The following IMMP2L variants were observed in gnomAD, a reference collection of about 807,000 sequenced individuals.
IMMP2L encodes mitochondrial inner membrane protease subunit 2.
Under a neutral mutation model 19.3 loss-of-function variants are expected in IMMP2L, and 18 were observed. That is an observed-to-expected ratio of 0.93 (90% CI 0.64 to 1.38). IMMP2L has a LOEUF of 1.38. Among genes scored for constraint, IMMP2L ranks in the 40% most tolerant of loss-of-function variants. IMMP2L has a pLI of 0.00. For missense variants in IMMP2L, 233 were observed against 218.2 expected (o/e 1.07, Z -0.43); for synonymous variants, 76 against 73.0 (o/e 1.04, Z -0.21).
intron 3 of IMMP2L, among the ~76,000 whole-genome samples, chr7:111,153,957 G>C (rs1017779448): frequency 6.6e-6 from 1 of 151,942 alleles, no homozygotes; most frequent in African/African-American, 2.4e-5. Flanking sequence ...AAATTCCTTG[G>C]ACTAGAAACT....
rs1585497220 is a variant in IMMP2L, at chr7:110,967,620, C to T, written c.240-4055G>A. ...TAAAAATACTACCATGTATTGGACA[C>T]TATTTACATTGCATATATCCCAAGA... On this transcript the variant is annotated intron_variant, in intron 3 of 5. Transcript: ENST00000405709. 2.0e-5 allele frequency among the ~76,000 whole-genome samples: 3 copies of T among 152,054 alleles called. 1 individual carries two copies. The South Asian group carries it at 6.2e-4, about 32-fold the overall frequency.
intron 5 of IMMP2L, among the ~76,000 whole-genome samples, chr7:110,732,457 G>C (rs1382597857): frequency 6.6e-6 from 1 of 152,154 alleles, no homozygotes; most frequent in Non-Finnish European, 1.5e-5. Context: ...TTTGGCATGT[G>C]AATTATGATT....
intron 3 of IMMP2L, among the ~76,000 whole-genome samples, chr7:111,451,245 A>C (rs982606541): frequency 6.8e-6 from 1 of 147,738 alleles, no homozygotes; most frequent in Non-Finnish European, 1.5e-5. Flanking sequence ...TCATGCTGCT[A>C]TAAAGACACA....
At chr7:111,166,903 A>G (rs1805882179) in intron 3 of IMMP2L, among the ~76,000 whole-genome samples, 1 of 151,974 alleles carries the variant, frequency 6.6e-6, no homozygotes, top group Non-Finnish European at 1.5e-5. Flanking sequence ...GCCCACCTGG[A>G]TAATCCAGGA....
intron 3 of IMMP2L, among the ~76,000 whole-genome samples, chr7:110,974,186 T>C (rs1769337656): frequency 6.6e-6 from 1 of 152,126 alleles, no homozygotes. Context: ...AAGCAACTTC[T>C]CAGAAACATA....
At chr7:110,751,076 C>T (rs1797687298) in intron 5 of IMMP2L, among the ~76,000 whole-genome samples, 1 of 151,620 alleles carries the variant, frequency 6.6e-6, no homozygotes, top group African/African-American at 2.4e-5. Flanking sequence ...TCTTTTAATA[C>T]TTTCAGATTT....
At chr7:110,856,113 T>G (rs934753987) in intron 5 of IMMP2L, among the ~76,000 whole-genome samples, 1 of 152,022 alleles carries the variant, frequency 6.6e-6, no homozygotes, top group African/African-American at 2.4e-5. Context: ...TTTGGCTAAA[T>G]GCACTTTCTT....
intron 5 of IMMP2L, among the ~76,000 whole-genome samples, chr7:110,776,859 C>G (rs185203328): frequency 1.2e-4 from 19 of 152,032 alleles, no homozygotes; most frequent in Admixed American, 5.2e-4. Flanking sequence ...CCCACTGTAT[C>G]TGGTATTGTG....
At chr7:111,321,143 T>C (rs1218067279) in intron 3 of IMMP2L, among the ~76,000 whole-genome samples, 2 of 151,976 alleles carry the variant, frequency 1.3e-5, no homozygotes, top group African/African-American at 4.8e-5. Flanking sequence ...TCCTAATGAA[T>C]CTAGGAAAGT....
chr7:111,550,892 G>C (rs1187221556), intron 1 of IMMP2L, among the ~76,000 whole-genome samples: 1 of 152,096 alleles, frequency 6.6e-6, no homozygotes, highest in Non-Finnish European at 1.5e-5. Flanking sequence ...CAGGTAGTGG[G>C]GCTAAGGAAG....
chr7:111,122,554 G>A (rs1586425754), intron 3 of IMMP2L: 1 of 533,962 alleles, frequency 1.9e-6, no homozygotes, highest in Non-Finnish European at 3.3e-6. Context: ...ATATCATTAA[G>A]GAAATAGTAA....
At chr7:111,259,150 G>A (rs1562976618) in intron 3 of IMMP2L, among the ~76,000 whole-genome samples, 1 of 152,020 alleles carries the variant, frequency 6.6e-6, no homozygotes, top group African/African-American at 2.4e-5. Context: ...TGGTATAAAC[G>A]ATTTAAAATG....
At chr7:110,995,792 G>T (rs772433743) in intron 3 of IMMP2L, among the ~76,000 whole-genome samples, 1 of 152,004 alleles carries the variant, frequency 6.6e-6, no homozygotes, top group East Asian at 1.9e-4. Context: ...CTGTATCCTT[G>T]GCCAAAAGAA....
intron 3 of IMMP2L, among the ~76,000 whole-genome samples, chr7:111,137,643 T>A (rs2129596681): frequency 6.6e-6 from 1 of 152,336 alleles, no homozygotes; most frequent in African/African-American, 2.4e-5. Context: ...ATGCTCTGAA[T>A]GATAAAAGCA....
chr7:111,151,704 C>T (rs762298133), intron 3 of IMMP2L, among the ~76,000 whole-genome samples: 22 of 152,036 alleles, frequency 1.4e-4, no homozygotes, highest in Admixed American at 7.2e-4. Flanking sequence ...GTTAGGAGGC[C>T]GAGGTGGGCA....
chr7:111,326,250 TGA>T (rs1825304646), intron 3 of IMMP2L, among the ~76,000 whole-genome samples: 1 of 151,758 alleles, frequency 6.6e-6, no homozygotes, highest in Non-Finnish European at 1.5e-5. Context: ...TTTATAAGAC[TGA>T]GATTGCCAAA....
intron 3 of IMMP2L, among the ~76,000 whole-genome samples, chr7:110,993,700 A>G (rs1822724063): frequency 6.6e-6 from 1 of 151,996 alleles, no homozygotes; most frequent in Non-Finnish European, 1.5e-5. Context: ...TGGATATTGC[A>G]TTGATATCTC....
At chr7:111,290,769 T>C (rs1821001966) in intron 3 of IMMP2L, among the ~76,000 whole-genome samples, 1 of 151,868 alleles carries the variant, frequency 6.6e-6, no homozygotes, top group South Asian at 2.1e-4. Flanking sequence ...ATTGCACTTA[T>C]CACTATTTAA....
rs1200506466 is a variant in IMMP2L at position 110,870,663 on chromosome 7, G to T, written c.408+15930C>A. Among the ~76,000 whole-genome samples, 1 of 152,098 alleles carries T rather than the reference G, an allele frequency of 6.6e-6. No individual in the cohort carries two copies. Among genetic ancestry groups the T allele is most frequent in the Non-Finnish European group, 1.5e-5 (1 of 68,012 alleles). Reference sequence around the variant, plus strand: ...AGAGCCAACCACACAAAGACCTAAAGGAAGAGAATTCAAGGAAGAGGATCT... The same window carrying T: ...AGAGCCAACCACACAAAGACCTAAATGAAGAGAATTCAAGGAAGAGGATCT... On this transcript the variant is annotated intron_variant, in intron 5 of 5. Transcript: ENST00000405709. This position sits in a 1 kb window ranked among gnomAD's most constrained non-coding sequence, Gnocchi z 4.2.
Sources: allele counts gnomAD v4.1 joint callset (sites outside exome capture counted in the v4.1 genomes callset), GRCh38; gene constraint gnomAD v4.1.1; non-coding constraint Gnocchi (gnomAD v3.1); transcripts MANE v1.5; gene names NCBI Gene and HGNC (gene_info 2026-07-23, HGNC 2026-07-21).